The following NEO1 variants were observed in gnomAD, a reference collection of about 807,000 sequenced individuals.
The protein encoded by NEO1 is neogenin.
In NEO1, 63 loss-of-function variants were observed where a neutral mutation model predicts 159.7. The observed-to-expected ratio is 0.39, with a 90% CI of 0.32 to 0.49. The LOEUF (loss-of-function observed/expected upper bound fraction) is 0.49, where lower values mean the gene tolerates loss of function less well. NEO1 is among the 20% of genes least tolerant of loss of function. The pLI, the probability that NEO1 is intolerant of heterozygous loss-of-function variation, is 0.85. For synonymous variants in NEO1, 633 were observed against 662.0 expected (o/e 0.96, Z 0.67); for missense variants, 1,615 against 1,831.0 (o/e 0.88, Z 2.15).
intron 22 of NEO1, 107 bp downstream of exon 22, chr15:73,278,306 T>C: frequency 1.1e-6 from 1 of 902,394 alleles, no homozygotes; most frequent in Non-Finnish European, 1.7e-6. Flanking sequence ...TGTAGCATAT[T>C]AGCCTGTTTT....
At chr15:73,112,149 A>G (rs1397131642) in intron 1 of NEO1, among the ~76,000 whole-genome samples, 2 of 151,962 alleles carry the variant, frequency 1.3e-5, no homozygotes, top group African/African-American at 2.4e-5. Flanking sequence ...ACTCATCTTC[A>G]TTATTCATTT....
intron 15 of NEO1, among the ~76,000 whole-genome samples, chr15:73,261,273 C>T (rs886672456): frequency 2.0e-5 from 3 of 152,010 alleles, no homozygotes; most frequent in Non-Finnish European, 4.4e-5. Flanking sequence ...AATATCTGGG[C>T]ACTATATCTA....
At chr15:73,116,461 G>T in intron 1 of NEO1, 79 bp from the exon 2 acceptor site, 1 of 1,214,434 alleles carries the variant, frequency 8.2e-7, no homozygotes, top group South Asian at 1.8e-5. Flanking sequence ...ATAATTTTTG[G>T]ACTTGTTAGT....
chr15:73,277,309 G>C (rs1024723024), intron 21 of NEO1, among the ~76,000 whole-genome samples: 2 of 152,128 alleles, frequency 1.3e-5, no homozygotes, highest in African/African-American at 4.8e-5. Context: ...ATTGGAAAAA[G>C]GTCCTCGTAT....
chr15:73,272,608 T>A, intron 19 of NEO1, 46 bp downstream of exon 19: 6 of 1,297,502 alleles, frequency 4.6e-6, no homozygotes, highest in Non-Finnish European at 6.7e-6. Context: ...TCTTCCTGCC[T>A]GACAGGAGTA....
At chr15:73,300,864 G>A (rs1595803044) in intron 27 of NEO1, among the ~76,000 whole-genome samples, 2 of 152,346 alleles carry the variant, frequency 1.3e-5, no homozygotes, top group Middle Eastern at 3.4e-3. Context: ...ATGGTTCTTA[G>A]TGAAACTGGC....
At chr15:73,140,393 A>G (rs1035997629) in intron 5 of NEO1, among the ~76,000 whole-genome samples, 9 of 152,090 alleles carry the variant, frequency 5.9e-5, no homozygotes, top group African/African-American at 2.2e-4. Context: ...CTATATCTAC[A>G]AAAAATGAAA....
intron 7 of NEO1, among the ~76,000 whole-genome samples, chr15:73,207,389 CAATT>C: frequency 6.6e-6 from 1 of 152,262 alleles, no homozygotes; most frequent in South Asian, 2.1e-4. Context: ...CCAGCAAACT[CAATT>C]AACCTCAGTT....
chr15:73,202,790 A>C (rs1257936304), intron 7 of NEO1, among the ~76,000 whole-genome samples: 1 of 151,916 alleles, frequency 6.6e-6, no homozygotes, highest in African/African-American at 2.4e-5. Flanking sequence ...TTCAACAAAG[A>C]CTCCACATCC....
chr15:73,171,815 T>C (rs2034991232), intron 5 of NEO1, among the ~76,000 whole-genome samples: 1 of 151,842 alleles, frequency 6.6e-6, no homozygotes. Context: ...CTAATTTTTG[T>C]ATTTTTAATA....
rs747725504 is a variant in NEO1 at position 73,289,239 on chromosome 15, G to T, written c.3742+1G>T. 1.2e-6 allele frequency: 2 copies of T among 1,613,518 alleles called. No individual in the cohort carries two copies. Among genetic ancestry groups the T allele is most frequent in the East Asian group, 2.2e-5 (1 of 44,880 alleles). On this transcript the variant is annotated splice_donor_variant, in intron 25 of 28. Coordinates refer to ENST00000261908, the MANE Select transcript of NEO1 (RefSeq NM_002499.4). LOFTEE classifies it high-confidence loss of function. ...CCCTTTGACTCCCAGCCACCCCAGCGTAAGTAGAAGCATCTCTTTTCCTCA... is the reference window on the plus strand; with the variant it reads ...CCCTTTGACTCCCAGCCACCCCAGCTTAAGTAGAAGCATCTCTTTTCCTCA...
chr15:73,118,245 C>G (rs192319235), intron 2 of NEO1, among the ~76,000 whole-genome samples: 1 of 152,002 alleles, frequency 6.6e-6, no homozygotes, highest in Non-Finnish European at 1.5e-5. Context: ...CATCTGCCTG[C>G]TACCTTATTC....
At chr15:73,052,836 C>A in intron 1 of NEO1, 31 bp downstream of exon 1, 1 of 529,618 alleles carries the variant, frequency 1.9e-6, no homozygotes, top group Non-Finnish European at 2.4e-6. Context: ...CGGGGGTTCG[C>A]GGGGGCGCGG....
chr15:73,227,346 AT>A (rs1418621616), intron 7 of NEO1, among the ~76,000 whole-genome samples: 1 of 152,064 alleles, frequency 6.6e-6, no homozygotes, highest in Non-Finnish European at 1.5e-5. Context: ...AAATACAAAA[AT>A]TAGCCGGGTA....
Position 73,122,770 on chromosome 15 carries a change from A to G in NEO1, c.694A>G (p.Ser232Gly), listed in dbSNP as rs756616362. The G allele has an allele frequency of 1.2e-6, 2 of 1,614,208 alleles. No homozygotes were observed. Among genetic ancestry groups the G allele is most frequent in the South Asian group, 2.2e-5 (2 of 91,088 alleles). ...GGAAAGTGGTGGGCCACCAAAGTAT[A>G]GTGATGAAGTTGAATTGAAGGTTCT... ...VVESGGPPKY[S>G]DEVELKVLPD... is the part of the protein sequence containing the mutation. Residue 232 changes from serine to glycine, a missense_variant, in exon 3 of 29, where the codon AGT (serine) becomes GGT (glycine). By Grantham distance (56) the Ser-to-Gly change is moderately conservative. This residue lies in a region of NEO1 where 1,018 missense variants were observed against 1,115.4 expected (regional missense o/e 0.91). Coordinates refer to ENST00000261908, the MANE Select transcript of NEO1 (RefSeq NM_002499.4).
At chr15:73,161,398 T>C (rs554293519) in intron 5 of NEO1, among the ~76,000 whole-genome samples, 150 of 152,330 alleles carry the variant, frequency 9.8e-4, no homozygotes, top group African/African-American at 3.4e-3. Flanking sequence ...TATGAGAATT[T>C]TCATACATAT....
At chr15:73,063,301 C>T (rs919361203) in intron 1 of NEO1, among the ~76,000 whole-genome samples, 6 of 152,074 alleles carry the variant, frequency 3.9e-5, no homozygotes, top group Admixed American at 3.9e-4. Flanking sequence ...ACCACCCACT[C>T]TACTGGGCTG....
chr15:73,068,229 C>T lies in NEO1; in HGVS notation c.130+15424C>T, dbSNP rs926961765. Reference sequence around the variant, plus strand: ...TTTTTGTTTTTGTCCCCCTACCCCCCCCCCTTTTTTTTTGAGACAGTGTCT... The same window carrying T: ...TTTTTGTTTTTGTCCCCCTACCCCCTCCCCTTTTTTTTTGAGACAGTGTCT... On this transcript the variant is annotated intron_variant, in intron 1 of 28. Transcript: ENST00000261908. 1.4e-4 allele frequency among the ~76,000 whole-genome samples: 16 copies of T among 112,930 alleles called. 1 individual carries two copies. The highest frequency in any genetic ancestry group is 2.8e-4 in the Non-Finnish European group (13 of 46,796). The allele number at this position is 112,930 out of a possible 152,430, so 74.1% of individuals were successfully genotyped here.
At chr15:73,278,085 C>G in intron 21 of NEO1, 46 bp from the exon 22 acceptor site, 1 of 1,554,504 alleles carries the variant, frequency 6.4e-7, no homozygotes, top group Non-Finnish European at 8.8e-7. Flanking sequence ...TGGACTGTCA[C>G]GCCAAATGTG....
Sources: gnomAD v4.1 joint callset for allele counts (sites outside exome capture counted in the v4.1 genomes callset) on GRCh38, gnomAD v4.1.1 for gene constraint, gnomAD v4.1.1 regional missense constraint, MANE v1.5 for transcripts, NCBI Gene and HGNC (gene_info 2026-07-23, HGNC 2026-07-21) for gene names.